CEP112: variants seen among roughly 807,000 people sequenced by gnomAD.
The protein encoded by CEP112 is centrosomal protein of 112 kDa.
In CEP112, 127 loss-of-function variants were observed where a neutral mutation model predicts 153.0. The ratio of observed to expected loss-of-function variants is 0.83; its 90% CI spans 0.72 to 0.96. The LOEUF (loss-of-function observed/expected upper bound fraction) is 0.96, where lower values mean the gene tolerates loss of function less well. CEP112 is among the 40% of genes least tolerant of loss of function. The pLI is 0.00. For synonymous variants in CEP112, 358 were observed against 374.4 expected, an observed-to-expected ratio of 0.96 and a Z score of 0.51; for missense variants, 1,089 against 1,101.2, an observed-to-expected ratio of 0.99 and a Z score of 0.16.
At chr17:66,183,402 T>C in intron 1 of CEP112, 95 bp from the exon 2 acceptor site, 1 of 763,602 alleles carries the variant, frequency 1.3e-6, no homozygotes, top group Non-Finnish European at 2.0e-6. Context: ...AAGTGTTAGA[T>C]ATCAGTTCTC....
chr17:65,677,053 A>G (rs1246360400), intron 24 of CEP112, among the ~76,000 whole-genome samples: 1 of 151,034 alleles, frequency 6.6e-6, no homozygotes. Context: ...GAGCCCCCCA[A>G]ATAAGTTTGT....
intron 21 of CEP112, among the ~76,000 whole-genome samples, chr17:65,792,565 C>T (rs942066464): frequency 1.2e-4 from 15 of 124,410 alleles, no homozygotes; most frequent in African/African-American, 4.0e-4. Flanking sequence ...ATACATCATA[C>T]AGGAAGCTAA....
chr17:65,683,840 G>C (rs886395823), intron 24 of CEP112, among the ~76,000 whole-genome samples: 1 of 152,116 alleles, frequency 6.6e-6, no homozygotes, highest in African/African-American at 2.4e-5. Context: ...TCAGGAGCTC[G>C]AGACCAGCCT....
intron 18 of CEP112, among the ~76,000 whole-genome samples, chr17:65,946,712 T>C (rs1291213373): frequency 6.6e-6 from 1 of 152,204 alleles, no homozygotes; most frequent in East Asian, 1.9e-4. Flanking sequence ...GTTAAGATTT[T>C]GATTTTTTAA....
chr17:65,775,505 A>C (rs2053626313), intron 21 of CEP112, among the ~76,000 whole-genome samples: 1 of 109,508 alleles, frequency 9.1e-6, no homozygotes. Context: ...TTTATTTTAA[A>C]TTTTATTTTT....
intron 4 of CEP112, among the ~76,000 whole-genome samples, chr17:66,142,553 T>G (rs1385700052): frequency 6.6e-6 from 1 of 152,214 alleles, no homozygotes; most frequent in African/African-American, 2.4e-5. Context: ...GGCCAAATTT[T>G]CTTTTTATGC....
intron 20 of CEP112, among the ~76,000 whole-genome samples, chr17:65,884,275 C>A (rs964214630): frequency 6.6e-6 from 1 of 152,100 alleles, no homozygotes; most frequent in African/African-American, 2.4e-5. Flanking sequence ...TGGGAAGATA[C>A]AGATAATTTG....
intron 23 of CEP112, among the ~76,000 whole-genome samples, chr17:65,732,111 T>C (rs1301380547): frequency 6.6e-6 from 1 of 152,204 alleles, no homozygotes; most frequent in Non-Finnish European, 1.5e-5. Context: ...TACAGTCTTA[T>C]GAAGTGTATT....
chr17:66,087,460 T>C (rs2067981389), intron 8 of CEP112, among the ~76,000 whole-genome samples: 1 of 152,156 alleles, frequency 6.6e-6, no homozygotes, highest in South Asian at 2.1e-4. Flanking sequence ...GAAAAAGAAA[T>C]TCAAAACAAG....
intron 21 of CEP112, among the ~76,000 whole-genome samples, chr17:65,792,071 C>T (rs1243920804): frequency 6.6e-6 from 1 of 152,158 alleles, no homozygotes; most frequent in Non-Finnish European, 1.5e-5. Flanking sequence ...CACACAAGAA[C>T]TGCCGCAGCT....
intron 1 of CEP112, among the ~76,000 whole-genome samples, chr17:66,184,014 C>T (rs2072826143): frequency 6.6e-6 from 1 of 151,838 alleles, no homozygotes; most frequent in South Asian, 2.1e-4. Flanking sequence ...TTTGGGAGTC[C>T]CAGGCAGGAG....
chr17:66,154,193 C>G (rs1598451608), intron 4 of CEP112, among the ~76,000 whole-genome samples: 1 of 148,608 alleles, frequency 6.7e-6, no homozygotes. Flanking sequence ...AAAGGGGGGG[C>G]CAACTACAGC....
intron 18 of CEP112, among the ~76,000 whole-genome samples, chr17:65,930,897 G>A (rs1420794): frequency 0.48 from 72,787 of 151,844 alleles, 18,428 homozygotes; most frequent in East Asian, 0.89. Context: ...AGTTGACTCA[G>A]GTTTTCCTTC....
At chr17:65,837,144 G>A (rs926343314) in intron 21 of CEP112, among the ~76,000 whole-genome samples, 68 of 152,248 alleles carry the variant, frequency 4.5e-4, no homozygotes, top group African/African-American at 1.5e-3. Flanking sequence ...GCGTGATCTC[G>A]GCTCGCTACA....
intron 23 of CEP112, among the ~76,000 whole-genome samples, chr17:65,713,850 A>AGTGCTGGGATTACAG (rs2049341119): frequency 6.6e-6 from 1 of 152,056 alleles, no homozygotes; most frequent in Non-Finnish European, 1.5e-5. Flanking sequence ...GGCCTCCCAA[A>AGTGCTGGGATTACAG]GTGCTGGGAT....
At chr17:65,964,528 T>C (rs916517994) in intron 17 of CEP112, among the ~76,000 whole-genome samples, 3 of 152,186 alleles carry the variant, frequency 2.0e-5, no homozygotes, top group Non-Finnish European at 4.4e-5. Context: ...AAACAGCACA[T>C]GGGAACAACA....
chr17:65,814,032 T>C (rs2056131204), intron 21 of CEP112, among the ~76,000 whole-genome samples: 1 of 152,158 alleles, frequency 6.6e-6, no homozygotes, highest in African/African-American at 2.4e-5. Flanking sequence ...AGATAATAAA[T>C]ACCTATATCC....
chr17:65,672,581 A>G (rs1427344458), intron 24 of CEP112, among the ~76,000 whole-genome samples: 1 of 152,238 alleles, frequency 6.6e-6, no homozygotes, highest in Non-Finnish European at 1.5e-5. Flanking sequence ...CAACAAATTC[A>G]TAAGGTGAGT....
chr17:65,797,974 AGT>A (rs1001547032), intron 21 of CEP112, among the ~76,000 whole-genome samples: 1 of 152,168 alleles, frequency 6.6e-6, no homozygotes, highest in Admixed American at 6.5e-5. Flanking sequence ...TACTGGCTAA[AGT>A]GGAAACTGGT....
Sources: allele counts gnomAD v4.1 joint callset (sites outside exome capture counted in the v4.1 genomes callset), GRCh38; gene constraint gnomAD v4.1.1; transcripts MANE v1.5; gene names NCBI Gene and HGNC (gene_info 2026-07-23, HGNC 2026-07-21).